CDYL2: variants seen among roughly 807,000 people sequenced by gnomAD.
CDYL2 encodes the protein chromodomain Y like 2.
CDYL2 carries 23 observed loss-of-function variants against 49.4 expected under a neutral mutation model. The ratio of observed to expected loss-of-function variants is 0.47; its 90% CI spans 0.34 to 0.66. CDYL2 has a LOEUF of 0.66. Among genes scored for constraint, CDYL2 ranks in the 30% least tolerant of loss-of-function variants. The pLI, the probability that CDYL2 is intolerant of heterozygous loss-of-function variation, is 0.01. For missense variants in CDYL2, 678 were observed against 656.4 expected, an observed-to-expected ratio of 1.03 and a Z score of -0.36; for synonymous variants, 360 against 268.8, an observed-to-expected ratio of 1.34 and a Z score of -3.32.
chr16:80,680,259 G>C (rs140123016), intron 2 of CDYL2, among the ~76,000 whole-genome samples: 1 of 152,316 alleles, frequency 6.6e-6, no homozygotes, highest in African/African-American at 2.4e-5. Context: ...CAATGTGTGA[G>C]ATGCAACGTC....
intron 1 of CDYL2, among the ~76,000 whole-genome samples, chr16:80,803,937 C>G (rs1908011744): frequency 7.1e-6 from 1 of 141,294 alleles, no homozygotes; most frequent in South Asian, 2.2e-4. Context: ...AAAGAGGGAG[C>G]GGGCGCGGGC....
At chr16:80,789,037 TC>T (rs1201862573) in intron 1 of CDYL2, among the ~76,000 whole-genome samples, 1 of 152,024 alleles carries the variant, frequency 6.6e-6, no homozygotes, top group East Asian at 1.9e-4. Context: ...ACATCACTAA[TC>T]ATCAGAGAAT....
Position 80,601,985 on chromosome 16 carries a change from A to G in CDYL2, c.*2403T>C, listed in dbSNP as rs545233322. 5.3e-5 allele frequency: 8 copies of G among 152,324 alleles called. No individual in the cohort carries two copies. In the East Asian group the frequency reaches 1.5e-3, roughly 29 times the overall value. The allele number at this position is 152,324 out of a possible 1,614,324, so 9.4% of individuals were successfully genotyped here. On this transcript the variant is annotated 3_prime_UTR_variant, in exon 7 of 7. Transcript: ENST00000570137. ...TGGACACTGATCTAAAGGAATTTCTAAACATCCCCTTCCATGTCCAAGGAG... is the reference window on the plus strand; with the variant it reads ...TGGACACTGATCTAAAGGAATTTCTGAACATCCCCTTCCATGTCCAAGGAG...
chr16:80,629,695 C>G (rs991525706), intron 3 of CDYL2, among the ~76,000 whole-genome samples: 1 of 152,244 alleles, frequency 6.6e-6, no homozygotes, highest in Non-Finnish European at 1.5e-5. Context: ...CTACTTAATG[C>G]ACACAGTAAT....
intron 1 of CDYL2, among the ~76,000 whole-genome samples, chr16:80,723,103 G>A (rs1905053660): frequency 6.6e-6 from 1 of 152,220 alleles, no homozygotes; most frequent in South Asian, 2.1e-4. Flanking sequence ...ACCCACCACA[G>A]GCACCTCCCT....
chr16:80,691,856 A>G (rs1344600297), intron 1 of CDYL2, among the ~76,000 whole-genome samples: 3 of 152,204 alleles, frequency 2.0e-5, no homozygotes, highest in Admixed American at 1.3e-4. Context: ...ATTCATTTAC[A>G]TAAGAAAGGA....
chr16:80,632,678 A>C (rs1258717513), intron 3 of CDYL2: 1 of 288,100 alleles, frequency 3.5e-6, no homozygotes, highest in African/African-American at 2.1e-5. Context: ...AACAAATATG[A>C]CATGCTGATG....
intron 2 of CDYL2, among the ~76,000 whole-genome samples, chr16:80,645,924 G>A (rs1230290221): frequency 7.3e-5 from 10 of 136,204 alleles, no homozygotes; most frequent in African/African-American, 1.1e-4. Flanking sequence ...TCATAGGTGG[G>A]AATTGAACAA....
At chr16:80,794,890 G>A (rs1009436700) in intron 1 of CDYL2, among the ~76,000 whole-genome samples, 3 of 152,080 alleles carry the variant, frequency 2.0e-5, no homozygotes, top group Admixed American at 1.3e-4. Flanking sequence ...TGGGAGTATA[G>A]GCATGAGCCA....
chr16:80,625,545 G>T (rs772345899), intron 3 of CDYL2, among the ~76,000 whole-genome samples: 1 of 152,194 alleles, frequency 6.6e-6, no homozygotes, highest in Non-Finnish European at 1.5e-5. Context: ...ATTTGGACAT[G>T]AACATCTTGG....
At chr16:80,767,697 T>C (rs1003027844) in intron 1 of CDYL2, among the ~76,000 whole-genome samples, 19 of 152,228 alleles carry the variant, frequency 1.2e-4, no homozygotes, top group African/African-American at 2.9e-4. Context: ...CACGTGTCTA[T>C]GCAGTCACAG....
intron 2 of CDYL2, chr16:80,662,700 A>C (rs1909097072): frequency 2.2e-6 from 1 of 455,210 alleles, no homozygotes; most frequent in Admixed American, 2.4e-5. Context: ...ATGGCTATTG[A>C]AATTTTAATT....
chr16:80,785,093 G>C (rs1207367383), intron 1 of CDYL2, among the ~76,000 whole-genome samples: 3 of 152,178 alleles, frequency 2.0e-5, no homozygotes, highest in Admixed American at 6.6e-5. Context: ...GTCCAAGAGT[G>C]ATGGGAGGCT....
In CDYL2 at chr16:80,612,915, G is replaced by GCTCCTCACAGCAC; in HGVS notation, c.1008-80_1008-79insGTGCTGTGAGGAG. On this transcript the variant is annotated intron_variant, in intron 4 of 6. Transcript: ENST00000570137. This position sits in a 1 kb window ranked among gnomAD's most constrained non-coding sequence, Gnocchi z 5.0. ...ACTGGAACCCTTGACTCTCCCAGGT[G>GCTCCTCACAGCAC]CTGTGAGGAGCACCCTCAGGTCGTC... 1 of 1,308,360 alleles carries GCTCCTCACAGCAC rather than the reference G, an allele frequency of 7.6e-7. No homozygotes were observed. The highest frequency in any genetic ancestry group is 1.0e-6 in the Non-Finnish European group (1 of 962,096). The allele number at this position is 1,308,360 out of a possible 1,614,324, so 81.0% of individuals were successfully genotyped here.
At chr16:80,643,240 T>G (rs1204526539) in intron 2 of CDYL2, among the ~76,000 whole-genome samples, 1 of 152,170 alleles carries the variant, frequency 6.6e-6, no homozygotes, top group East Asian at 1.9e-4. Flanking sequence ...CTCCTTTGAC[T>G]CCAGGTCTCA....
At chr16:80,665,369 T>A (rs966932093) in intron 2 of CDYL2, among the ~76,000 whole-genome samples, 1 of 152,074 alleles carries the variant, frequency 6.6e-6, no homozygotes, top group African/African-American at 2.4e-5. Flanking sequence ...CACAGGAATA[T>A]GAGTTGGGCT....
chr16:80,639,263 T>G (rs1861747833), intron 2 of CDYL2, among the ~76,000 whole-genome samples: 1 of 152,332 alleles, frequency 6.6e-6, no homozygotes, highest in Non-Finnish European at 1.5e-5. Context: ...GCATATAAGA[T>G]GGCACAGCTA....
In CDYL2 at chr16:80,608,210, C is replaced by A; in HGVS notation, c.1244G>T (p.Arg415Leu). ...ALANEMLFCG[R>L]KLTAQEACSR... ...GCAGGCCTCCTGGGCGGTGAGCTTC[C>A]GCCCACAGAACAGCATCTCATTGGC... Residue 415 changes from arginine to leucine, a missense_variant, in exon 6 of 7, where the codon CGG (arginine) becomes CTG (leucine). Transcript: ENST00000570137. The A allele has an allele frequency of 6.3e-7, 1 of 1,587,516 alleles. No homozygotes were observed. Among genetic ancestry groups the A allele is most frequent in the Non-Finnish European group, 8.6e-7 (1 of 1,166,276 alleles).
intron 2 of CDYL2, among the ~76,000 whole-genome samples, chr16:80,666,134 G>A (rs1909253265): frequency 6.6e-6 from 1 of 152,172 alleles, no homozygotes; most frequent in South Asian, 2.1e-4. Flanking sequence ...CTACAGAGGT[G>A]AAAAGTGAGG....
Sources: allele counts gnomAD v4.1 joint callset (sites outside exome capture counted in the v4.1 genomes callset), GRCh38; gene constraint gnomAD v4.1.1; non-coding constraint Gnocchi (gnomAD v3.1); transcripts MANE v1.5; gene names NCBI Gene and HGNC (gene_info 2026-07-23, HGNC 2026-07-21).